Variants in IFTAP observed in about 807,000 individuals in gnomAD.
IFTAP encodes intraflagellar transport associated protein.
Under a neutral mutation model 19.4 loss-of-function variants are expected in IFTAP, and 19 were observed. The ratio of observed to expected loss-of-function variants is 0.98; its 90% CI spans 0.68 to 1.44. The LOEUF is 1.44. Ranked by LOEUF, IFTAP falls within the 40% of genes most tolerant of loss-of-function variation. The pLI is 0.00. For synonymous variants in IFTAP, 85 were observed against 83.5 expected (o/e 1.02, Z -0.10); for missense variants, 240 against 253.6 (o/e 0.95, Z 0.36).
intron 2 of IFTAP, among the ~76,000 whole-genome samples, chr11:36,631,292 C>G (rs1430841915): frequency 6.6e-6 from 1 of 151,396 alleles, no homozygotes; most frequent in Non-Finnish European, 1.5e-5. Flanking sequence ...TAGTAGAGAG[C>G]TGGCCTGAGC....
At chr11:36,622,456 G>C (rs181864459) in intron 2 of IFTAP, among the ~76,000 whole-genome samples, 2 of 152,180 alleles carry the variant, frequency 1.3e-5, no homozygotes, top group African/African-American at 4.8e-5. Flanking sequence ...AATTTACTAT[G>C]TTGCTTTTAT....
rs564864958 is a variant in IFTAP at position 36,632,412 on chromosome 11, C to T, written c.137-872C>T. On this transcript the variant is annotated intron_variant, in intron 2 of 5. Coordinates refer to ENST00000334307, the MANE Select transcript of IFTAP (RefSeq NM_138787.4). Reference sequence around the variant, plus strand: ...AGCTGCCTTTGGGTCATTTCCACTACGATTTCAACTGGCACTTCAAATGCA... The same window carrying T: ...AGCTGCCTTTGGGTCATTTCCACTATGATTTCAACTGGCACTTCAAATGCA... Among the ~76,000 whole-genome samples, 64 of 151,198 alleles carry T rather than the reference C, an allele frequency of 4.2e-4. 2 individuals carry two copies. Among genetic ancestry groups the T allele is most frequent in the South Asian group, 8.3e-4 (4 of 4,822 alleles).
At chr11:36,610,804 A>G (rs1851852433) in intron 2 of IFTAP, among the ~76,000 whole-genome samples, 1 of 149,866 alleles carries the variant, frequency 6.7e-6, no homozygotes, top group Non-Finnish European at 1.5e-5. Context: ...AGGTATTTGT[A>G]TTGCTGTTGT....
At chr11:36,654,341 T>A (rs985178392) in intron 5 of IFTAP, among the ~76,000 whole-genome samples, 2 of 151,872 alleles carry the variant, frequency 1.3e-5, no homozygotes, top group Admixed American at 6.6e-5. Flanking sequence ...TTATTTTATT[T>A]TTTTATTTTT....
chr11:36,647,938 G>A, intron 4 of IFTAP, 78 bp from the exon 5 acceptor site: 13 of 1,515,520 alleles, frequency 8.6e-6, no homozygotes, highest in Non-Finnish European at 8.9e-6. Context: ...CATTTTCTTC[G>A]ACTTCTGGGC....
chr11:36,649,086 G>A (rs929478888), intron 5 of IFTAP, among the ~76,000 whole-genome samples: 17 of 151,934 alleles, frequency 1.1e-4, no homozygotes, highest in Non-Finnish European at 1.5e-5. Context: ...AGTTGTTAAG[G>A]GCTCTTTATT....
intron 1 of IFTAP, among the ~76,000 whole-genome samples, chr11:36,601,259 A>G (rs1461243734): frequency 6.6e-6 from 1 of 152,220 alleles, no homozygotes; most frequent in Non-Finnish European, 1.5e-5. Context: ...TGTGTTGGAA[A>G]GGTAGATGTT....
chr11:36,639,958 A>G (rs935515927), intron 4 of IFTAP, among the ~76,000 whole-genome samples: 1 of 152,200 alleles, frequency 6.6e-6, no homozygotes, highest in Non-Finnish European at 1.5e-5. Flanking sequence ...CCCCTGAACG[A>G]CTAGGGACTC....
At chr11:36,620,740 C>T (rs12295400) in intron 2 of IFTAP, among the ~76,000 whole-genome samples, 23,426 of 151,712 alleles carry the variant, frequency 0.15, 2,611 homozygotes, top group African/African-American at 0.31. Flanking sequence ...TTTTAATGCA[C>T]AGTATTTTGT....
chr11:36,622,083 A>ATTTTTTTTTTTTTTTTT (rs199873596), intron 2 of IFTAP, among the ~76,000 whole-genome samples: 2 of 138,174 alleles, frequency 1.4e-5, no homozygotes, highest in African/African-American at 2.8e-5. Context: ...CTCTTGTTCT[A>ATTTTTTTTTTTTTTTTT]TTTTTTATTT....
chr11:36,651,849 G>C (rs1318541719), intron 5 of IFTAP, among the ~76,000 whole-genome samples: 1 of 152,174 alleles, frequency 6.6e-6, no homozygotes, highest in Non-Finnish European at 1.5e-5. Flanking sequence ...GTTTGTCAAA[G>C]ATGAGATGGT....
At chr11:36,647,981 C>T (rs933230396) in intron 4 of IFTAP, 35 bp from the exon 5 acceptor site, 3 of 1,596,510 alleles carry the variant, frequency 1.9e-6, no homozygotes, top group Admixed American at 1.7e-5. Context: ...GTGAACTTTG[C>T]GAAAGGCTCA....
chr11:36,625,520 C>T (rs1393558162), intron 2 of IFTAP, among the ~76,000 whole-genome samples: 1 of 152,102 alleles, frequency 6.6e-6, no homozygotes, highest in East Asian at 1.9e-4. Context: ...CTGGTATTCA[C>T]TTGTATGGAT....
chr11:36,643,528 C>T (rs1215437749), intron 4 of IFTAP, among the ~76,000 whole-genome samples: 1 of 152,162 alleles, frequency 6.6e-6, no homozygotes, highest in Non-Finnish European at 1.5e-5. Context: ...AAAAAAGAGC[C>T]TGCATTGCCA....
At chr11:36,654,903 C>T (rs11033738) in intron 5 of IFTAP, among the ~76,000 whole-genome samples, 2,663 of 152,190 alleles carry the variant, frequency 0.017, 71 homozygotes, top group African/African-American at 0.06. Flanking sequence ...CAGGCTTATC[C>T]CACTCAAATC....
chr11:36,656,112 G>A (rs1853972852), intron 5 of IFTAP, among the ~76,000 whole-genome samples: 1 of 152,150 alleles, frequency 6.6e-6, no homozygotes, highest in African/African-American at 2.4e-5. Context: ...CAATGGGTTG[G>A]GCCGTATCTA....
chr11:36,607,754 A>C (rs113005402), intron 1 of IFTAP, among the ~76,000 whole-genome samples: 3,080 of 151,960 alleles, frequency 0.02, 51 homozygotes, highest in Middle Eastern at 0.027. Flanking sequence ...GCTCATCGCA[A>C]CCTCTGCCTC....
intron 2 of IFTAP, among the ~76,000 whole-genome samples, chr11:36,612,148 G>C (rs945193558): frequency 6.6e-6 from 1 of 152,022 alleles, no homozygotes; most frequent in Non-Finnish European, 1.5e-5. Flanking sequence ...ATTCCAGTAT[G>C]ATCATTGCAT....
At chr11:36,611,654 A>G (rs1851879096) in intron 2 of IFTAP, among the ~76,000 whole-genome samples, 2 of 152,126 alleles carry the variant, frequency 1.3e-5, no homozygotes, top group African/African-American at 4.8e-5. Flanking sequence ...TATAATTGAT[A>G]TCTGTTTTGT....
Sources: allele counts gnomAD v4.1 joint callset (sites outside exome capture counted in the v4.1 genomes callset), GRCh38; gene constraint gnomAD v4.1.1; transcripts MANE v1.5; gene names NCBI Gene and HGNC (gene_info 2026-07-23, HGNC 2026-07-21).